The following SORCS3 variants were observed in gnomAD, a reference collection of about 807,000 sequenced individuals.
SORCS3 encodes VPS10 domain-containing receptor SorCS3.
In SORCS3, 57 loss-of-function variants were observed where a neutral mutation model predicts 146.3. The observed-to-expected ratio is 0.39, with a 90% CI of 0.31 to 0.49. The LOEUF is 0.49. Among genes scored for constraint, SORCS3 ranks in the 20% least tolerant of loss-of-function variants. SORCS3 has a pLI of 0.92. For missense variants in SORCS3, 1,341 were observed against 1,575.5 expected (o/e 0.85, Z 2.52); for synonymous variants, 653 against 618.5 (o/e 1.06, Z -0.83).
chr10:105,129,967 C>T (rs901931657), intron 7 of SORCS3, among the ~76,000 whole-genome samples: 3 of 152,134 alleles, frequency 2.0e-5, no homozygotes, highest in Non-Finnish European at 2.9e-5. Context: ...AGGTTGCATA[C>T]ATAAACTGCC....
intron 7 of SORCS3, among the ~76,000 whole-genome samples, chr10:105,109,458 A>T (rs1347623791): frequency 6.6e-6 from 1 of 152,116 alleles, no homozygotes; most frequent in Non-Finnish European, 1.5e-5. Flanking sequence ...AAATGTATTC[A>T]GTTGTCCCCA....
chr10:104,924,236 G>A (rs1453931602), intron 3 of SORCS3, among the ~76,000 whole-genome samples: 1 of 152,170 alleles, frequency 6.6e-6, no homozygotes, highest in Non-Finnish European at 1.5e-5. Context: ...CTTGTCTGAG[G>A]TCATAGAGTC....
intron 1 of SORCS3, among the ~76,000 whole-genome samples, chr10:104,840,363 C>G (rs1240251281): frequency 6.6e-6 from 1 of 152,140 alleles, no homozygotes; most frequent in Non-Finnish European, 1.5e-5. Flanking sequence ...TTGGGTTTCA[C>G]CCTTAGGAAT....
chr10:104,839,028 G>A (rs2018105804), intron 1 of SORCS3, among the ~76,000 whole-genome samples: 1 of 152,152 alleles, frequency 6.6e-6, no homozygotes, highest in Non-Finnish European at 1.5e-5. Flanking sequence ...TATAAAATGA[G>A]AGCAATAGAC....
At chr10:105,236,163 T>G (rs1041913056) in intron 20 of SORCS3, among the ~76,000 whole-genome samples, 6 of 152,042 alleles carry the variant, frequency 3.9e-5, no homozygotes, top group Non-Finnish European at 8.8e-5. Context: ...GAAGGATAGG[T>G]CATTTAATAA....
chr10:104,671,325 C>CATTT (rs2015850103), intron 1 of SORCS3, among the ~76,000 whole-genome samples: 2 of 19,194 alleles, frequency 1.0e-4, no homozygotes, highest in African/African-American at 3.8e-4. Flanking sequence ...CATTCTTTTC[C>CATTT]TTTTTTTTTT....
At chr10:105,193,154 A>G (rs1384658582) in intron 14 of SORCS3, among the ~76,000 whole-genome samples, 1 of 152,144 alleles carries the variant, frequency 6.6e-6, no homozygotes, top group Non-Finnish European at 1.5e-5. Flanking sequence ...ATGGTGGATT[A>G]AAGGAGGTGG....
intron 1 of SORCS3, among the ~76,000 whole-genome samples, chr10:104,643,064 A>T (rs7084143): frequency 0.98 from 149,957 of 152,352 alleles, 73,819 homozygotes; most frequent in East Asian, 1. Flanking sequence ...GGTCCCTACT[A>T]GAGCCAGATT....
chr10:105,210,484 T>G lies in SORCS3; in HGVS notation c.2262-653T>G, dbSNP rs570669369. Among the ~76,000 whole-genome samples the G allele has an allele frequency of 2.0e-5, 3 of 152,328 alleles. No homozygotes were observed. The South Asian group carries it at 6.2e-4, about 32-fold the overall frequency. ...GAAACTCCAAGAAGTAGGGAAGCAC[T>G]GTTTGGACTTCAGATAGGGGACCTC... On this transcript the variant is annotated intron_variant, in intron 16 of 26. Coordinates refer to ENST00000369701, the MANE Select transcript of SORCS3 (RefSeq NM_014978.3).
intron 4 of SORCS3, among the ~76,000 whole-genome samples, chr10:105,010,734 T>C (rs1554868246): frequency 7.0e-6 from 1 of 143,808 alleles, no homozygotes; most frequent in Non-Finnish European, 1.5e-5. Context: ...TTTTTTTTTC[T>C]CTCTTTCAGT....
At chr10:105,172,038 G>C (rs926267018) in intron 13 of SORCS3, among the ~76,000 whole-genome samples, 1 of 152,124 alleles carries the variant, frequency 6.6e-6, no homozygotes, top group African/African-American at 2.4e-5. Context: ...GGCTTTAGTT[G>C]TTAGAAAGAT....
intron 1 of SORCS3, among the ~76,000 whole-genome samples, chr10:104,670,428 C>T (rs1052109966): frequency 6.6e-6 from 1 of 151,970 alleles, no homozygotes; most frequent in Non-Finnish European, 1.5e-5. Context: ...TTCTCAGCAC[C>T]GTTTATTGAA....
intron 3 of SORCS3, among the ~76,000 whole-genome samples, chr10:104,975,308 C>A (rs974184328): frequency 3.3e-5 from 5 of 151,982 alleles, no homozygotes; most frequent in Middle Eastern, 6.3e-3. Context: ...CTCCCATTCA[C>A]AATTGCTTCA....
intron 1 of SORCS3, among the ~76,000 whole-genome samples, chr10:104,737,304 T>A (rs1424588380): frequency 6.6e-6 from 1 of 151,932 alleles, no homozygotes; most frequent in Non-Finnish European, 1.5e-5. Flanking sequence ...AGTAATGGGA[T>A]GGCTGGGTCA....
At chr10:104,826,839 C>G (rs776713763) in intron 1 of SORCS3, among the ~76,000 whole-genome samples, 1 of 152,172 alleles carries the variant, frequency 6.6e-6, no homozygotes, top group Non-Finnish European at 1.5e-5. Context: ...GAATTGAAGT[C>G]AATCTTCTCA....
intron 1 of SORCS3, among the ~76,000 whole-genome samples, chr10:104,785,465 G>A (rs1201907743): frequency 7.0e-6 from 1 of 142,040 alleles, no homozygotes; most frequent in Non-Finnish European, 1.5e-5. Flanking sequence ...AGGGTCCTCT[G>A]CCTAGGAAAA....
At chr10:105,012,846 G>T (rs1382322552) in intron 4 of SORCS3, among the ~76,000 whole-genome samples, 1 of 152,066 alleles carries the variant, frequency 6.6e-6, no homozygotes, top group Non-Finnish European at 1.5e-5. Context: ...AAAATCTTGG[G>T]CTTTAAAGTC....
intron 21 of SORCS3, 74 bp from the exon 22 acceptor site, chr10:105,247,145 T>A (rs890309956): frequency 4.4e-6 from 3 of 688,480 alleles, no homozygotes; most frequent in Middle Eastern, 2.5e-4. Context: ...ACAGTGATGG[T>A]GGAGCTCCAC....
chr10:104,859,504 A>G (rs557259337), intron 2 of SORCS3, among the ~76,000 whole-genome samples: 21 of 152,336 alleles, frequency 1.4e-4, no homozygotes, highest in Non-Finnish European at 2.9e-4. Context: ...GGACATAGGC[A>G]TGGGCAAGGA....
Sources: allele counts gnomAD v4.1 joint callset (sites outside exome capture counted in the v4.1 genomes callset), GRCh38; gene constraint gnomAD v4.1.1; transcripts MANE v1.5; gene names NCBI Gene and HGNC (gene_info 2026-07-23, HGNC 2026-07-21).